CDHR2: variants seen among roughly 807,000 people sequenced by gnomAD.
The protein encoded by CDHR2 is cadherin-related family member 2.
CDHR2 carries 104 observed loss-of-function variants against 138.6 expected under a neutral mutation model. The observed-to-expected ratio is 0.75, with a 90% CI of 0.64 to 0.88. CDHR2 has a LOEUF of 0.88. Among genes scored for constraint, CDHR2 ranks in the 40% least tolerant of loss-of-function variants. CDHR2 has a pLI of 0.00. For missense variants in CDHR2, 1,624 were observed against 1,727.6 expected, an observed-to-expected ratio of 0.94 and a Z score of 1.06; for synonymous variants, 755 against 742.8, an observed-to-expected ratio of 1.02 and a Z score of -0.27.
intron 5 of CDHR2, 141 bp downstream of exon 5, chr5:176,569,151 C>T (rs894464312): frequency 2.8e-5 from 16 of 575,594 alleles, no homozygotes; most frequent in Non-Finnish European, 4.6e-5. Flanking sequence ...TAGTTCATTT[C>T]TTTGTCATAT....
Position 176,595,535 on chromosome 5 carries a change from C to T in CDHR2, c.3796C>T (p.His1266Tyr), listed in dbSNP as rs1759005904. 1 of 1,596,488 alleles carries T rather than the reference C, an allele frequency of 6.3e-7. No individual in the cohort carries two copies. The stretch of plus-strand genomic sequence containing the variant: ...CCTCCTCTCCCTCTCCCTGCAGGAG[C>T]ACAGGCCACCACACACACCACCAGA... The part of the protein sequence containing the change: ...VDKNSQEIKE[H>Y]RPPHTPPEPD... Residue 1266 changes from histidine to tyrosine, a missense_variant, in exon 32 of 32, where the codon CAC becomes TAC. Transcript: ENST00000261944.
chr5:176,548,468 C>T (rs1013652798), upstream of CDHR2, among the ~76,000 whole-genome samples: 14 of 152,124 alleles, frequency 9.2e-5, no homozygotes, highest in African/African-American at 2.9e-4. Context: ...GGCCGAGCTC[C>T]GTGGCTCATC....
chr5:176,544,222 G>T (rs373297558), intron 1 of CDHR2, among the ~76,000 whole-genome samples: 1 of 152,240 alleles, frequency 6.6e-6, no homozygotes, highest in Non-Finnish European at 1.5e-5. Flanking sequence ...TTTGTTGACA[G>T]AACAGCCACC....
rs1388511366 is a variant in CDHR2, at chr5:176,576,938, A to G, written c.1195-461A>G. Among the ~76,000 whole-genome samples the G allele has an allele frequency of 6.6e-6, 1 of 151,992 alleles. No homozygotes were observed. Among genetic ancestry groups the G allele is most frequent in the Non-Finnish European group, 1.5e-5 (1 of 67,996 alleles). Reference sequence around the variant, plus strand: ...GTGGGTAACACGGTGGCGCTGGAGGATGAGTAACTCTGGAGGGTGTATGGT... The same window carrying G: ...GTGGGTAACACGGTGGCGCTGGAGGGTGAGTAACTCTGGAGGGTGTATGGT... On this transcript the variant is annotated intron_variant, in intron 12 of 31. Coordinates refer to ENST00000261944, the MANE Select transcript of CDHR2 (RefSeq NM_017675.6). The surrounding 1 kb of genome is among the most constrained non-coding windows in gnomAD (Gnocchi z 4.5).
At position 176,581,454 on chromosome 5, in the gene CDHR2, A is replaced by G. The variant is rs746696686; in HGVS notation, c.1930A>G (p.Asn644Asp). 4 of 1,614,052 alleles carry G rather than the reference A, an allele frequency of 2.5e-6. No homozygotes were observed. The highest frequency in any genetic ancestry group is 3.4e-6 in the Non-Finnish European group (4 of 1,180,048). Residue 644 changes from asparagine to aspartate, a missense_variant, in exon 17 of 32, where the codon AAC becomes GAC. This residue lies in a region of CDHR2 where 1,061 missense variants were observed against 1,136.6 expected (regional missense o/e 0.93). Coordinates refer to ENST00000261944, the MANE Select transcript of CDHR2 (RefSeq NM_017675.6). ...SLDPDTGLLR[N>D]LGPLDREAID... ...GGACCCTGACACAGGGCTCCTCAGA[A>G]ACCTGGGGCCCCTGGACAGAGAGGC...
chr5:176,579,100 A>AGAGTTCAT, intron 16 of CDHR2, among the ~76,000 whole-genome samples: 1 of 152,336 alleles, frequency 6.6e-6, no homozygotes, highest in Admixed American at 6.5e-5. Flanking sequence ...CCAGGTTCAC[A>AGAGTTCAT]GAGTTCATGA....
At chr5:176,574,010 CA>C (rs1758295368) in intron 6 of CDHR2, 72 bp from the exon 7 acceptor site, 2 of 1,166,670 alleles carry the variant, frequency 1.7e-6, no homozygotes, top group Non-Finnish European at 2.5e-6. Flanking sequence ...CACTGAAGCT[CA>C]GGGGGGCAGT....
In CDHR2 at chr5:176,577,675, C is replaced by T. The variant is rs779152727; in HGVS notation, c.1389C>T (p.Val463=). The change falls in exon 14 of 32, where the codon GTC becomes GTT. Residue 463 remains valine (V), a synonymous_variant. Coordinates refer to ENST00000261944, the MANE Select transcript of CDHR2 (RefSeq NM_017675.6). ...ACTCCGTCAGCCAGAACTTCTCCGT[C>T]GCCATGGTGACCATCCACCTTAGAG... is the stretch of plus-strand genomic sequence containing the variant. ...ATDSVSQNFS[V]AMVTIHLRDI... 20 of 1,614,102 alleles carry T rather than the reference C, an allele frequency of 1.2e-5. No homozygotes were observed. The highest frequency in any genetic ancestry group is 4.4e-5 in the South Asian group (4 of 91,084).
intron 28 of CDHR2, 31 bp from the exon 29 acceptor site, chr5:176,591,179 A>G: frequency 6.8e-7 from 1 of 1,468,664 alleles, no homozygotes; most frequent in South Asian, 1.1e-5. Flanking sequence ...GTGTGCAGCA[A>G]CAGTGTGACC....
Position 176,589,031 on chromosome 5 carries a change from G to A in CDHR2, c.2857G>A (p.Ala953Thr). 6.2e-7 allele frequency: 1 copy of A among 1,613,998 alleles called. No homozygotes were observed. Among genetic ancestry groups the A allele is most frequent in the Non-Finnish European group, 8.5e-7 (1 of 1,179,944 alleles). The change falls in exon 22 of 32, where the codon GCC becomes ACC. Residue 953 changes from alanine to threonine, a missense_variant and splice_region_variant. Ala to Thr is a moderately conservative substitution (Grantham distance 58, BLOSUM62 0). This residue lies in a region of CDHR2 where 556 missense variants were observed against 565.7 expected (regional missense o/e 0.98). Coordinates refer to ENST00000261944, the MANE Select transcript of CDHR2 (RefSeq NM_017675.6). ...LPNREVASVR[A>T]RDDDSGNNGV... ...AGATATTGTCCACTCTTGCTCCCAG[G>A]CCAGAGACGATGATTCAGGGAACAA...
intron 31 of CDHR2, among the ~76,000 whole-genome samples, chr5:176,593,885 T>C (rs550377826): frequency 6.6e-6 from 1 of 152,172 alleles, no homozygotes; most frequent in South Asian, 2.1e-4. Context: ...GCCCCAGGTA[T>C]GGTTGTGTGG....
intron 1 of CDHR2, among the ~76,000 whole-genome samples, chr5:176,561,547 C>A (rs1246162540): frequency 4.6e-5 from 7 of 152,082 alleles, no homozygotes; most frequent in Non-Finnish European, 8.8e-5. Context: ...TATGCAGCAT[C>A]CTGTGAGGTC....
chr5:176,544,521 C>T (rs1376787092), upstream of CDHR2, among the ~76,000 whole-genome samples: 2 of 150,518 alleles, frequency 1.3e-5, no homozygotes, highest in African/African-American at 4.9e-5. Context: ...TTCACTGCAA[C>T]CTCCGCCATC....
intron 7 of CDHR2, among the ~76,000 whole-genome samples, chr5:176,574,614 G>T (rs936017262): frequency 2.0e-5 from 3 of 152,194 alleles, no homozygotes; most frequent in Admixed American, 1.3e-4. Context: ...GACATGCAAC[G>T]GGGTAGTATT....
Position 176,543,434 on chromosome 5 carries a change from G to C in CDHR2, c.-16+665G>C, listed in dbSNP as rs1229243138. 1 of 151,698 alleles carries C rather than the reference G, an allele frequency of 6.6e-6. No homozygotes were observed. The highest frequency in any genetic ancestry group is 2.4e-5 in the African/African-American group (1 of 41,366). 9.4% of individuals were successfully genotyped at this position (151,698 alleles called of 1,614,324 possible). A position where few individuals can be genotyped will look rare whatever the true frequency, so the allele number is the denominator to read the frequency against. On this transcript the variant is annotated intron_variant, in intron 1 of 31. Coordinates refer to the CDHR2 transcript ENST00000510636. This position sits in a 1 kb window ranked among gnomAD's most constrained non-coding sequence, Gnocchi z 4.0. ...ACCCGGGCGCGCGGGGCCCACACCG[G>C]CTGCGCAGCTTCCAGGACCCCCGCC... is the stretch of plus-strand genomic sequence containing the variant.
At position 176,576,629 on chromosome 5, in the gene CDHR2, T is replaced by A. The variant is rs1581142023; in HGVS notation, c.1194+444T>A. ...TTTCGCTCTGTCACCCAGGCTGGAG[T>A]GCAATGGCCCAATCTTGGCCCACTG... is the stretch of plus-strand genomic sequence containing the variant. On this transcript the variant is annotated intron_variant, in intron 12 of 31. Coordinates refer to ENST00000261944, the MANE Select transcript of CDHR2 (RefSeq NM_017675.6). The surrounding 1 kb of genome is among the most constrained non-coding windows in gnomAD (Gnocchi z 4.5). Among the ~76,000 whole-genome samples the A allele has an allele frequency of 1.3e-5, 2 of 148,960 alleles. No homozygotes were observed. The highest frequency in any genetic ancestry group is 3.0e-5 in the Non-Finnish European group (2 of 67,398).
intron 1 of CDHR2, among the ~76,000 whole-genome samples, chr5:176,552,952 CTG>C (rs2113253263): frequency 6.6e-6 from 1 of 152,300 alleles, no homozygotes; most frequent in South Asian, 2.1e-4. Context: ...AGGGGAGAGA[CTG>C]TGCGTGCATC....
upstream of CDHR2, chr5:176,547,813 T>C (rs1379814184): frequency 6.6e-6 from 1 of 152,272 alleles, no homozygotes; most frequent in Non-Finnish European, 1.5e-5. Flanking sequence ...GTTTCTTCTT[T>C]TTATGCTGGT....
upstream of CDHR2, among the ~76,000 whole-genome samples, chr5:176,544,631 G>A (rs1360883840): frequency 6.6e-6 from 1 of 152,028 alleles, no homozygotes; most frequent in African/African-American, 2.4e-5. Flanking sequence ...GTGGAGATGG[G>A]GTTTCACCAT....
Sources: allele counts gnomAD v4.1 joint callset (sites outside exome capture counted in the v4.1 genomes callset), GRCh38; gene constraint gnomAD v4.1.1; regional missense constraint gnomAD v4.1.1; non-coding constraint Gnocchi (gnomAD v3.1); transcripts MANE v1.5; gene names NCBI Gene and HGNC (gene_info 2026-07-23, HGNC 2026-07-21).